The following LRMDA variants were observed in gnomAD, a reference collection of about 807,000 sequenced individuals.
LRMDA encodes the protein leucine-rich melanocyte differentiation-associated protein.
LRMDA carries 18 observed loss-of-function variants against 29.8 expected under a neutral mutation model. The ratio of observed to expected loss-of-function variants is 0.60; its 90% CI spans 0.42 to 0.90. The LOEUF is 0.90. Ranked by LOEUF, LRMDA falls within the 40% of genes least tolerant of loss-of-function variation. The pLI is 0.00. For synonymous variants in LRMDA, 125 were observed against 109.4 expected (o/e 1.14, Z -0.89); for missense variants, 273 against 273.9 (o/e 1.00, Z 0.02).
At chr10:76,487,303 T>G (rs1342411667) in intron 6 of LRMDA, among the ~76,000 whole-genome samples, 1 of 151,878 alleles carries the variant, frequency 6.6e-6, no homozygotes, top group Non-Finnish European at 1.5e-5. Flanking sequence ...CAGTAGATGA[T>G]TATATTATTG....
At chr10:75,562,936 G>A (rs1589185747) in intron 2 of LRMDA, among the ~76,000 whole-genome samples, 1 of 152,194 alleles carries the variant, frequency 6.6e-6, no homozygotes, top group African/African-American at 2.4e-5. Flanking sequence ...AGGGTAACCC[G>A]ACCTTTCTCT....
intron 5 of LRMDA, among the ~76,000 whole-genome samples, chr10:76,252,855 C>T (rs1428523548): frequency 6.6e-6 from 1 of 152,200 alleles, no homozygotes; most frequent in Non-Finnish European, 1.5e-5. Flanking sequence ...TCGTTTTCTG[C>T]AATTCTTCCT....
chr10:76,021,825 T>G (rs190956866), intron 2 of LRMDA, among the ~76,000 whole-genome samples: 61 of 152,330 alleles, frequency 4.0e-4, no homozygotes, highest in Non-Finnish European at 7.5e-4. Flanking sequence ...TGTTTAGTAA[T>G]GAGTGACTTT....
chr10:75,456,812 A>AT (rs1173705669), intron 2 of LRMDA, among the ~76,000 whole-genome samples: 2 of 152,072 alleles, frequency 1.3e-5, no homozygotes, highest in African/African-American at 4.8e-5. Flanking sequence ...AGTAGCTGGG[A>AT]TTACAGGTGC....
chr10:76,141,294 T>C (rs181921611), intron 5 of LRMDA, among the ~76,000 whole-genome samples: 99 of 152,184 alleles, frequency 6.5e-4, no homozygotes, highest in Non-Finnish European at 1.2e-3. Context: ...GAGAAAATGA[T>C]TTTTCCTCTC....
chr10:75,456,841 A>G (rs1260692154), intron 2 of LRMDA, among the ~76,000 whole-genome samples: 1 of 152,094 alleles, frequency 6.6e-6, no homozygotes, highest in Non-Finnish European at 1.5e-5. Context: ...ACTCCCAGCT[A>G]ATTTTTGTAT....
chr10:76,134,891 G>A (rs915270573), intron 5 of LRMDA, among the ~76,000 whole-genome samples: 1 of 152,088 alleles, frequency 6.6e-6, no homozygotes, highest in Admixed American at 6.6e-5. Context: ...CAACTATGAG[G>A]CAAAATCATG....
rs554391523 is a variant in LRMDA, at chr10:75,436,720, C to T, written c.31-1674C>T. Among the ~76,000 whole-genome samples the T allele has an allele frequency of 3.9e-5, 6 of 152,170 alleles. No homozygotes were observed. The South Asian group carries it at 6.2e-4, about 16-fold the overall frequency. On this transcript the variant is annotated intron_variant, in intron 1 of 6. Coordinates refer to ENST00000611255, the MANE Select transcript of LRMDA (RefSeq NM_001305581.2). ...CCCTGACCTCATGATCCTCCCACCTCGGCTTCCCAAAGTGCTGGGACTACA... is the reference window on the plus strand; with the variant it reads ...CCCTGACCTCATGATCCTCCCACCTTGGCTTCCCAAAGTGCTGGGACTACA...
At chr10:76,046,307 C>G (rs1261481436) in intron 3 of LRMDA, among the ~76,000 whole-genome samples, 1 of 152,114 alleles carries the variant, frequency 6.6e-6, no homozygotes, top group Non-Finnish European at 1.5e-5. Context: ...ATCTATGGCT[C>G]TTGCTTTATT....
At chr10:75,815,288 A>G (rs1415737712) in intron 2 of LRMDA, among the ~76,000 whole-genome samples, 2 of 152,212 alleles carry the variant, frequency 1.3e-5, no homozygotes, top group Admixed American at 6.5e-5. Flanking sequence ...TAACTTACTC[A>G]CCAGTATGTA....
chr10:75,976,540 G>T (rs1361001245), intron 2 of LRMDA, among the ~76,000 whole-genome samples: 1 of 152,168 alleles, frequency 6.6e-6, no homozygotes, highest in African/African-American at 2.4e-5. Context: ...CACCTACCTT[G>T]TTCTTTCAAT....
chr10:75,771,178 C>T (rs982276735), intron 2 of LRMDA, among the ~76,000 whole-genome samples: 6 of 152,052 alleles, frequency 3.9e-5, no homozygotes, highest in African/African-American at 1.4e-4. Flanking sequence ...GAAACAATTG[C>T]TTGGAAAATG....
intron 2 of LRMDA, among the ~76,000 whole-genome samples, chr10:75,594,568 T>A (rs977435314): frequency 3.3e-5 from 5 of 152,228 alleles, no homozygotes; most frequent in African/African-American, 9.6e-5. Context: ...TCCTGTATTT[T>A]CTTCTGAGCA....
chr10:75,992,412 A>G (rs375809788), intron 2 of LRMDA, among the ~76,000 whole-genome samples: 1 of 152,206 alleles, frequency 6.6e-6, no homozygotes, highest in Non-Finnish European at 1.5e-5. Flanking sequence ...CATCTCATAC[A>G]GAGTTTCCCT....
At chr10:76,295,737 C>G (rs1840403638) in intron 5 of LRMDA, among the ~76,000 whole-genome samples, 1 of 152,210 alleles carries the variant, frequency 6.6e-6, no homozygotes, top group Non-Finnish European at 1.5e-5. Flanking sequence ...CTCTGCCCCA[C>G]CTCCTCTAGC....
At chr10:75,965,306 A>G (rs1031894771) in intron 2 of LRMDA, among the ~76,000 whole-genome samples, 2 of 152,216 alleles carry the variant, frequency 1.3e-5, no homozygotes, top group African/African-American at 2.4e-5. Context: ...TAGTAATCTT[A>G]CTGAGTAACA....
At chr10:76,050,498 T>G (rs1189938351) in intron 4 of LRMDA, among the ~76,000 whole-genome samples, 1 of 152,242 alleles carries the variant, frequency 6.6e-6, no homozygotes, top group Non-Finnish European at 1.5e-5. Flanking sequence ...TCATCATAGT[T>G]CATGGCTGAG....
chr10:76,060,983 A>T (rs1303691198), intron 5 of LRMDA, among the ~76,000 whole-genome samples: 2 of 152,228 alleles, frequency 1.3e-5, no homozygotes, highest in Non-Finnish European at 2.9e-5. Context: ...GAGAGCTAAA[A>T]ACAGAACTAC....
intron 6 of LRMDA, among the ~76,000 whole-genome samples, chr10:76,410,710 T>C (rs1841951255): frequency 6.6e-6 from 1 of 152,030 alleles, no homozygotes; most frequent in South Asian, 2.1e-4. Flanking sequence ...TCCCAGCACT[T>C]TGGGAGGCCA....
Sources: gnomAD v4.1 joint callset for allele counts (sites outside exome capture counted in the v4.1 genomes callset) on GRCh38, gnomAD v4.1.1 for gene constraint, MANE v1.5 for transcripts, NCBI Gene and HGNC (gene_info 2026-07-23, HGNC 2026-07-21) for gene names.